LINGO2: variants seen among roughly 807,000 people sequenced by gnomAD.
The protein encoded by LINGO2 is leucine-rich repeat and immunoglobulin-like domain-containing nogo receptor-interacting protein 2.
A neutral mutation model predicts 30.6 loss-of-function variants in LINGO2; 14 were observed. That is an observed-to-expected ratio of 0.46 (90% confidence interval 0.30 to 0.72). LINGO2 has a LOEUF of 0.72. Among genes scored for constraint, LINGO2 ranks in the 30% least tolerant of loss-of-function variants. The pLI is 0.07. For missense variants in LINGO2, 729 were observed against 751.7 expected, an observed-to-expected ratio of 0.97 and a Z score of 0.35; for synonymous variants, 317 against 288.5, an observed-to-expected ratio of 1.10 and a Z score of -1.00.
chr9:29,171,592 G>A, the LINGO2 span, among the ~76,000 whole-genome samples: 127 of 151,468 alleles, frequency 8.4e-4, no homozygotes, highest in Non-Finnish European at 1.5e-3. Context: ...GCAAAAATCT[G>A]GAAATAAACA....
chr9:28,910,641 C>A, the LINGO2 span, among the ~76,000 whole-genome samples: 1 of 151,996 alleles, frequency 6.6e-6, no homozygotes, highest in East Asian at 1.9e-4. Flanking sequence ...TCTCTTCTGC[C>A]AGCCATGTGA....
chr9:29,041,393 G>C, the LINGO2 span, among the ~76,000 whole-genome samples: 2 of 151,922 alleles, frequency 1.3e-5, no homozygotes, highest in South Asian at 4.1e-4. Flanking sequence ...TGAAAAAGAA[G>C]AATAAAGTAT....
chr9:28,909,147 T>C, the LINGO2 span, among the ~76,000 whole-genome samples: 1 of 151,956 alleles, frequency 6.6e-6, no homozygotes, highest in Non-Finnish European at 1.5e-5. Context: ...TACCCGATTA[T>C]GCAACTCTCT....
intron 5 of LINGO2, among the ~76,000 whole-genome samples, chr9:27,957,187 T>C (rs573176256): frequency 6.6e-6 from 1 of 152,328 alleles, no homozygotes; most frequent in African/African-American, 2.4e-5. Flanking sequence ...GTTGACCGTA[T>C]ATGCACATCT....
In LINGO2 at chr9:28,003,334, TATAG is replaced by T. The variant is rs1205954953; in HGVS notation, c.-36+9017_-36+9020del. Reference sequence around the variant, plus strand: ...TTAGTTTTTGTTAACCATATAGATATATAGATATATAGATAGATAGATAGATAGA... The same window carrying T: ...TTAGTTTTTGTTAACCATATAGATATATATATAGATAGATAGATAGATAGA... On this transcript the variant is annotated intron_variant, in intron 5 of 5. Transcript: ENST00000379992. 3.0e-5 allele frequency among the ~76,000 whole-genome samples: 4 copies of T among 135,238 alleles called. No individual in the cohort carries two copies. The South Asian group carries it at 7.3e-4, about 25-fold the overall frequency. 88.7% of individuals were successfully genotyped at this position (135,238 alleles called of 152,430 possible).
At position 28,058,250 on chromosome 9, in the gene LINGO2, G is replaced by T. The variant is rs73443920; in HGVS notation, c.-86-45845C>A. 2.1e-3 allele frequency among the ~76,000 whole-genome samples: 318 copies of T among 152,208 alleles called. 9 individuals are homozygous for T. In the South Asian group the frequency reaches 0.044, roughly 21 times the overall value. The stretch of plus-strand genomic sequence containing the variant: ...AGATGGGGTGCTGCCACCAGTGGTG[G>T]AGTACAATACAATAACTGGTATGCC... On this transcript the variant is annotated intron_variant, in intron 4 of 5. Transcript: ENST00000379992.
chr9:28,457,940 T>C (rs372860394), intron 2 of LINGO2, among the ~76,000 whole-genome samples: 7 of 152,272 alleles, frequency 4.6e-5, no homozygotes, highest in African/African-American at 1.4e-4. Context: ...TGAAAAGAAT[T>C]AGCAATCCAG....
At chr9:28,399,170 G>A (rs191381124) in intron 2 of LINGO2, among the ~76,000 whole-genome samples, 2 of 152,266 alleles carry the variant, frequency 1.3e-5, no homozygotes, top group East Asian at 3.9e-4. Flanking sequence ...AATTAAATAT[G>A]CATTCTTCTG....
chr9:28,976,787 AG>A, the LINGO2 span, among the ~76,000 whole-genome samples: 1 of 152,058 alleles, frequency 6.6e-6, no homozygotes, highest in Non-Finnish European at 1.5e-5. Context: ...TAAAAAAAAA[AG>A]AATTCTTATC....
At chr9:28,800,112 G>A in the LINGO2 span, among the ~76,000 whole-genome samples, 1 of 152,020 alleles carries the variant, frequency 6.6e-6, no homozygotes, top group Non-Finnish European at 1.5e-5. Flanking sequence ...CATTTTACAT[G>A]TCAGCAGTGA....
chr9:28,731,150 C>T, the LINGO2 span, among the ~76,000 whole-genome samples: 4 of 151,978 alleles, frequency 2.6e-5, no homozygotes, highest in South Asian at 2.1e-4. Flanking sequence ...CCACCACACC[C>T]GGCTAATTTT....
the LINGO2 span, among the ~76,000 whole-genome samples, chr9:29,017,760 C>T: frequency 4.6e-4 from 70 of 152,184 alleles, no homozygotes; most frequent in South Asian, 0.014. Flanking sequence ...AGGAGATCCA[C>T]ATTTCTCACA....
At chr9:29,031,390 C>G in the LINGO2 span, among the ~76,000 whole-genome samples, 4 of 152,076 alleles carry the variant, frequency 2.6e-5, no homozygotes, top group African/African-American at 9.7e-5. Flanking sequence ...TCAAGCGATT[C>G]TTCAGCCTCA....
chr9:28,617,142 A>C (rs185712529), intron 1 of LINGO2, among the ~76,000 whole-genome samples: 1 of 152,286 alleles, frequency 6.6e-6, no homozygotes, highest in East Asian at 1.9e-4. Flanking sequence ...GGATTTAGCT[A>C]ATAACATATT....
At chr9:28,508,982 C>T (rs1820262504) in intron 1 of LINGO2, among the ~76,000 whole-genome samples, 1 of 152,110 alleles carries the variant, frequency 6.6e-6, no homozygotes, top group Non-Finnish European at 1.5e-5. Context: ...CTACATACCA[C>T]ATGCTACATA....
the LINGO2 span, among the ~76,000 whole-genome samples, chr9:28,746,591 T>A: frequency 1.3e-5 from 2 of 152,178 alleles, no homozygotes; most frequent in African/African-American, 2.4e-5. Flanking sequence ...CTCAAGGCCA[T>A]ATAATTGAGG....
chr9:28,568,020 C>A (rs923932393), intron 1 of LINGO2, among the ~76,000 whole-genome samples: 2 of 151,880 alleles, frequency 1.3e-5, no homozygotes, highest in Non-Finnish European at 2.9e-5. Flanking sequence ...TCCTATAGAC[C>A]AGCCAGTGAA....
At chr9:28,659,910 G>C (rs1270318709) in intron 1 of LINGO2, among the ~76,000 whole-genome samples, 1 of 152,052 alleles carries the variant, frequency 6.6e-6, no homozygotes, top group Non-Finnish European at 1.5e-5. Flanking sequence ...AACAAAAATT[G>C]AGCTTTTGCT....
At chr9:28,079,271 CA>C (rs1377009230) in intron 4 of LINGO2, among the ~76,000 whole-genome samples, 1 of 151,984 alleles carries the variant, frequency 6.6e-6, no homozygotes, top group Admixed American at 6.6e-5. Context: ...ACTTAGCAGG[CA>C]AAAACACCAG....
Sources: allele counts gnomAD v4.1 joint callset (sites outside exome capture counted in the v4.1 genomes callset), GRCh38; gene constraint gnomAD v4.1.1; transcripts MANE v1.5; gene names NCBI Gene and HGNC (gene_info 2026-07-23, HGNC 2026-07-21).